RBFOX3: variants seen among roughly 807,000 people sequenced by gnomAD.
RBFOX3 encodes the protein RNA binding protein fox-1 homolog 3.
RBFOX3 carries 17 observed loss-of-function variants against 48.7 expected under a neutral mutation model. That is an observed-to-expected ratio of 0.35 (90% CI 0.24 to 0.52). RBFOX3 has a LOEUF of 0.52. Among genes scored for constraint, RBFOX3 ranks in the 20% least tolerant of loss-of-function variants. RBFOX3 has a pLI of 0.94. For missense variants in RBFOX3, 382 were observed against 497.5 expected, an observed-to-expected ratio of 0.77 and a Z score of 2.21; for synonymous variants, 212 against 209.5, an observed-to-expected ratio of 1.01 and a Z score of -0.10.
chr17:79,200,209 T>TACTTCCC (rs957011222), intron 4 of RBFOX3, among the ~76,000 whole-genome samples: 2 of 147,988 alleles, frequency 1.4e-5, no homozygotes, highest in Non-Finnish European at 3.0e-5. Flanking sequence ...CCTCCTTAAG[T>TACTTCCC]ACTTCCCAAG....
chr17:79,213,313 G>T (rs2058615779), intron 4 of RBFOX3, among the ~76,000 whole-genome samples: 1 of 152,200 alleles, frequency 6.6e-6, no homozygotes, highest in African/African-American at 2.4e-5. Context: ...GAAGGGGAAG[G>T]ACGCGGCGGG....
chr17:79,314,869 G>A (rs1194780881), intron 2 of RBFOX3, among the ~76,000 whole-genome samples: 3 of 149,662 alleles, frequency 2.0e-5, no homozygotes, highest in African/African-American at 7.4e-5. Flanking sequence ...GGGGCTGGGT[G>A]TGCTGGAGGG....
At chr17:79,465,819 C>G (rs989550151) in intron 2 of RBFOX3, among the ~76,000 whole-genome samples, 1 of 152,196 alleles carries the variant, frequency 6.6e-6, no homozygotes, top group African/African-American at 2.4e-5. Context: ...GGCACGGGAT[C>G]GCGGCCTGGG....
At chr17:79,272,786 G>A (rs2067975047) in intron 3 of RBFOX3, among the ~76,000 whole-genome samples, 1 of 152,166 alleles carries the variant, frequency 6.6e-6, no homozygotes, top group Non-Finnish European at 1.5e-5. Flanking sequence ...GGAGGGCTCT[G>A]GATGCAGGAA....
intron 2 of RBFOX3, among the ~76,000 whole-genome samples, chr17:79,381,058 A>G (rs1598446826): frequency 6.6e-6 from 1 of 152,318 alleles, no homozygotes; most frequent in East Asian, 1.9e-4. Flanking sequence ...TCAGGAGATC[A>G]AGACCATCCT....
intron 4 of RBFOX3, among the ~76,000 whole-genome samples, chr17:79,167,921 G>T (rs1425979795): frequency 1.3e-5 from 2 of 152,212 alleles, no homozygotes; most frequent in Non-Finnish European, 2.9e-5. Flanking sequence ...TCCGAGGAGG[G>T]GGCAGGACAA....
chr17:79,380,459 C>T (rs1245837320), intron 2 of RBFOX3, among the ~76,000 whole-genome samples: 9 of 152,238 alleles, frequency 5.9e-5, no homozygotes, highest in Non-Finnish European at 1.3e-4. Flanking sequence ...GACCGTGGCC[C>T]TGGCTGTCAG....
At chr17:79,379,974 C>T (rs546276174) in intron 2 of RBFOX3, among the ~76,000 whole-genome samples, 5 of 152,258 alleles carry the variant, frequency 3.3e-5, no homozygotes, top group Admixed American at 1.3e-4. Flanking sequence ...CCTCCCTGTC[C>T]GCACATCCCC....
chr17:79,338,144 G>A (rs2081487788), intron 2 of RBFOX3, among the ~76,000 whole-genome samples: 1 of 152,058 alleles, frequency 6.6e-6, no homozygotes. Flanking sequence ...TCACCATGTT[G>A]GTCAGGCTGG....
At chr17:79,317,257 T>C (rs1014860155) in intron 2 of RBFOX3, among the ~76,000 whole-genome samples, 1 of 152,242 alleles carries the variant, frequency 6.6e-6, no homozygotes, top group African/African-American at 2.4e-5. Flanking sequence ...CTGCACTCTT[T>C]CCACCAAACC....
chr17:79,477,512 C>A lies in RBFOX3; in HGVS notation c.-175+4942G>T, dbSNP rs1388258075. 1.3e-5 allele frequency among the ~76,000 whole-genome samples: 2 copies of A among 151,894 alleles called. No individual in the cohort carries two copies. The highest frequency in any genetic ancestry group is 4.8e-5 in the African/African-American group (2 of 41,324). ...CGGAGTTTGCAGTGAGCTGAGATCG[C>A]CCCATCGCACTCCAGCCTGGGCGAC... On this transcript the variant is annotated intron_variant, in intron 2 of 14. Transcript: ENST00000693108. This position sits in a 1 kb window ranked among gnomAD's most constrained non-coding sequence, Gnocchi z 4.8.
intron 1 of RBFOX3, among the ~76,000 whole-genome samples, chr17:79,561,251 G>A (rs924318212): frequency 1.1e-4 from 16 of 152,280 alleles, no homozygotes; most frequent in Admixed American, 5.9e-4. Flanking sequence ...GTTCACCACC[G>A]TGCTCCAAGG....
intron 4 of RBFOX3, among the ~76,000 whole-genome samples, chr17:79,211,208 G>T (rs540801392): frequency 6.6e-6 from 1 of 152,228 alleles, no homozygotes; most frequent in African/African-American, 2.4e-5. Context: ...AGCACGGCCC[G>T]ATGCGGGCTG....
At chr17:79,532,828 C>CGT (rs3075254) in intron 1 of RBFOX3, among the ~76,000 whole-genome samples, 174 of 151,952 alleles carry the variant, frequency 1.1e-3, no homozygotes, top group African/African-American at 3.2e-3. Flanking sequence ...CTATTGAACA[C>CGT]GTGTGTGTGT....
Position 79,103,747 on chromosome 17 carries a change from T to C in RBFOX3, c.414+326A>G, listed in dbSNP as rs2076872331. 6.6e-6 allele frequency among the ~76,000 whole-genome samples: 1 copy of C among 152,070 alleles called. No individual in the cohort carries two copies. Among genetic ancestry groups the C allele is most frequent in the Non-Finnish European group, 1.5e-5 (1 of 68,006 alleles). On this transcript the variant is annotated intron_variant, in intron 7 of 14. Transcript: ENST00000693108. This position sits in a 1 kb window ranked among gnomAD's most constrained non-coding sequence, Gnocchi z 6.1. ...CACCCTCCCCAGCCTGCCCTCTCTG[T>C]AGCCCCTCCCTCAAGCTTCAAGGCC...
chr17:79,143,908 CCT>C (rs1253821330), intron 4 of RBFOX3, among the ~76,000 whole-genome samples: 2 of 152,228 alleles, frequency 1.3e-5, no homozygotes, highest in Non-Finnish European at 2.9e-5. Flanking sequence ...CACGGCCACC[CCT>C]GTTCCTATTT....
chr17:79,388,953 A>G (rs1412347041), intron 2 of RBFOX3, among the ~76,000 whole-genome samples: 1 of 152,190 alleles, frequency 6.6e-6, no homozygotes, highest in Non-Finnish European at 1.5e-5. Context: ...ATCCTTTAGA[A>G]CTGGGGCCTT....
At chr17:79,527,078 G>A (rs2086897044) in intron 1 of RBFOX3, among the ~76,000 whole-genome samples, 1 of 152,154 alleles carries the variant, frequency 6.6e-6, no homozygotes, top group African/African-American at 2.4e-5. Context: ...CTGTCCTCCT[G>A]GCTGGATCCT....
chr17:79,529,321 A>G (rs2150065376), intron 1 of RBFOX3, among the ~76,000 whole-genome samples: 1 of 152,280 alleles, frequency 6.6e-6, no homozygotes, highest in Non-Finnish European at 1.5e-5. Flanking sequence ...CCACCGCATC[A>G]CCTGATCCTG....
Sources: allele counts gnomAD v4.1 joint callset (sites outside exome capture counted in the v4.1 genomes callset), GRCh38; gene constraint gnomAD v4.1.1; non-coding constraint Gnocchi (gnomAD v3.1); transcripts MANE v1.5; gene names NCBI Gene and HGNC (gene_info 2026-07-23, HGNC 2026-07-21).